The following TF variants were observed in gnomAD, a reference collection of about 807,000 sequenced individuals.
TF encodes the protein transferrin, also known as serotransferrin.
Under a neutral mutation model 82.4 loss-of-function variants are expected in TF, and 55 were observed. That is an observed-to-expected ratio of 0.67 (90% confidence interval 0.54 to 0.84). The LOEUF (loss-of-function observed/expected upper bound fraction) is 0.84. Ranked by LOEUF, TF falls within the 40% of genes least tolerant of loss-of-function variation. The probability of loss-of-function intolerance (pLI) is 0.00; values close to 1 mark genes in which losing one functional copy is unlikely to be tolerated. For missense variants in TF, 737 were observed against 868.4 expected (o/e 0.85, Z 1.90); for synonymous variants, 332 against 332.6 (o/e 1.00, Z 0.02).
At chr3:133,775,341 A>G in intron 14 of TF, 92 bp from the exon 15 acceptor site, 1 of 1,360,126 alleles carries the variant, frequency 7.4e-7, no homozygotes, top group South Asian at 1.2e-5. Context: ...GAGAAGGCCC[A>G]GGTTCTCTAC....
rs1176589624 is a variant in TF at position 133,780,081 on chromosome 3, G to A, written c.*1461G>A. The A allele has an allele frequency of 6.6e-6, 1 of 152,136 alleles. No individual in the cohort carries two copies. Among genetic ancestry groups the A allele is most frequent in the Admixed American group, 6.5e-5 (1 of 15,272 alleles). 9.4% of individuals were successfully genotyped at this position (152,136 alleles called of 1,614,324 possible). Reference sequence around the variant, plus strand: ...TACTCAAATACAGAAGTGCAGATAAGGGGTATCTGGACACAACATTCCACA... The same window carrying A: ...TACTCAAATACAGAAGTGCAGATAAAGGGTATCTGGACACAACATTCCACA... On this transcript the variant is annotated 3_prime_UTR_variant, in exon 17 of 17. Coordinates refer to ENST00000402696, the MANE Select transcript of TF (RefSeq NM_001063.4).
At chr3:133,709,634 C>G in the TF span, 1 of 167,000 alleles carries the variant, frequency 6.0e-6, no homozygotes, top group Non-Finnish European at 1.3e-5. Flanking sequence ...TCCCCATGGG[C>G]TTAATATACA....
intron 5 of TF, 97 bp from the exon 6 acceptor site, chr3:133,756,185 A>G (rs958916987): frequency 1.6e-6 from 2 of 1,227,686 alleles, no homozygotes; most frequent in Non-Finnish European, 2.4e-6. Flanking sequence ...ACCAGGCTCT[A>G]TCCTAGTGTG....
intron 7 of TF, 54 bp from the exon 8 acceptor site, chr3:133,757,715 C>A: frequency 6.5e-7 from 1 of 1,533,964 alleles, no homozygotes; most frequent in Non-Finnish European, 9.0e-7. Flanking sequence ...AGTCCCATTT[C>A]TCAGCCTCCT....
chr3:133,778,686 G>A lies in TF; in HGVS notation c.*66G>A, dbSNP rs1576369902. Reference sequence around the variant, plus strand: ...CGCAGATGATCCATGAGTTTGCCCTGGTTTCACTGGCCCAAGTGGTTTGTG... The same window carrying A: ...CGCAGATGATCCATGAGTTTGCCCTAGTTTCACTGGCCCAAGTGGTTTGTG... On this transcript the variant is annotated 3_prime_UTR_variant, in exon 17 of 17. Transcript: ENST00000402696. The A allele has an allele frequency of 3.2e-6, 5 of 1,575,152 alleles. No homozygotes were observed. The highest frequency in any genetic ancestry group is 3.5e-6 in the Non-Finnish European group (4 of 1,148,744).
the TF span, chr3:133,688,287 A>G: frequency 6.5e-6 from 1 of 152,886 alleles, no homozygotes; most frequent in Non-Finnish European, 1.5e-5. Context: ...CAATATGAAA[A>G]AAGTGTTTCC....
chr3:133,663,445 A>G, the TF span, among the ~76,000 whole-genome samples: 1 of 151,364 alleles, frequency 6.6e-6, no homozygotes, highest in Non-Finnish European at 1.5e-5. Context: ...AAGGGTGAAG[A>G]AAGCCTTAAA....
chr3:133,741,661 C>T (rs1485149398), upstream of TF, among the ~76,000 whole-genome samples: 1 of 152,112 alleles, frequency 6.6e-6, no homozygotes, highest in Non-Finnish European at 1.5e-5. Flanking sequence ...ATGATGTTCC[C>T]ATACTGAGTG....
chr3:133,733,346 G>A, the TF span, among the ~76,000 whole-genome samples: 6 of 152,186 alleles, frequency 3.9e-5, no homozygotes, highest in Non-Finnish European at 8.8e-5. Context: ...AAACTCGTGT[G>A]TCCCCATCCC....
chr3:133,740,556 C>A, the TF span, among the ~76,000 whole-genome samples: 1 of 152,134 alleles, frequency 6.6e-6, no homozygotes, highest in Admixed American at 6.6e-5. Context: ...GTCTCGAACT[C>A]CTGACCTTAA....
At chr3:133,747,576 CAT>C (rs1457822030) in intron 1 of TF, among the ~76,000 whole-genome samples, 1 of 152,166 alleles carries the variant, frequency 6.6e-6, no homozygotes, top group Non-Finnish European at 1.5e-5. Flanking sequence ...GGCAAAAGCT[CAT>C]GTGATAGGGA....
At chr3:133,715,039 A>G in the TF span, among the ~76,000 whole-genome samples, 10 of 152,160 alleles carry the variant, frequency 6.6e-5, no homozygotes, top group African/African-American at 1.9e-4. Flanking sequence ...TGATCTATCA[A>G]TCCCGCACCT....
chr3:133,748,724 A>G, intron 2 of TF, 140 bp downstream of exon 2: 3 of 1,136,528 alleles, frequency 2.6e-6, no homozygotes, highest in Non-Finnish European at 3.9e-6. Context: ...TCACTTCAAA[A>G]GTGGAAATGG....
chr3:133,728,433 C>G, the TF span, among the ~76,000 whole-genome samples: 1 of 151,898 alleles, frequency 6.6e-6, no homozygotes, highest in Admixed American at 6.6e-5. Context: ...CCCTTTCTTC[C>G]AGTTCATTGC....
chr3:133,712,026 G>A, the TF span, among the ~76,000 whole-genome samples: 1 of 152,042 alleles, frequency 6.6e-6, no homozygotes, highest in Non-Finnish European at 1.5e-5. Context: ...TCATGTCTCG[G>A]CTTAAACCTT....
chr3:133,716,657 CA>C, the TF span, among the ~76,000 whole-genome samples: 1 of 152,194 alleles, frequency 6.6e-6, no homozygotes, highest in African/African-American at 2.4e-5. Flanking sequence ...CTCTCCTCCA[CA>C]ACACATGAGC....
Position 133,759,159 on chromosome 3 carries a change from T to C in TF, c.1049-16T>C, listed in dbSNP as rs1933915970. On this transcript the variant is annotated splice_polypyrimidine_tract_variant and intron_variant, in intron 8 of 16. Transcript: ENST00000402696. ...CTAGGGCCGCTTCTGATCTTTGTTC[T>C]TTTTTTATGCCATAGGCCCAGAAGC... is the stretch of plus-strand genomic sequence containing the variant. The C allele has an allele frequency of 1.2e-6, 2 of 1,613,316 alleles. No homozygotes were observed. The highest frequency in any genetic ancestry group is 1.1e-5 in the South Asian group (1 of 91,034).
At position 133,757,850 on chromosome 3, in the gene TF, G is replaced by A. The variant is rs144143295; in HGVS notation, c.952G>A (p.Ala318Thr). The change falls in exon 8 of 17, where the codon GCC becomes ACC. Residue 318 changes from alanine to threonine, a missense_variant. Ala to Thr is a moderately conservative substitution (Grantham distance 58). Coordinates refer to ENST00000402696, the MANE Select transcript of TF (RefSeq NM_001063.4). ...GAAGGACCTGCTGTTTAAGGACTCT[G>A]CCCACGGGTTTTTAAAAGTCCCCCC... is the stretch of plus-strand genomic sequence containing the variant. ...HGKDLLFKDS[A>T]HGFLKVPPRM... 1.2e-6 allele frequency: 2 copies of A among 1,614,180 alleles called. No individual in the cohort carries two copies. Among genetic ancestry groups the A allele is most frequent in the South Asian group, 2.2e-5 (2 of 91,078 alleles).
At position 133,788,301 on chromosome 3, in the gene TF, A is replaced by ACTTT. The variant is rs1559884377; in HGVS notation, c.*9682_*9685dup. ...TGTATACTAAGTAAATGACTTTGTAACTTTATTTCATCCTCTTCATTTACA... is the reference window on the plus strand; with the variant it reads ...TGTATACTAAGTAAATGACTTTGTAACTTTCTTTATTTCATCCTCTTCATTTACA... On this transcript the variant is annotated 3_prime_UTR_variant, in exon 17 of 17. Transcript: ENST00000402696. 1 of 152,214 alleles carries ACTTT rather than the reference A, an allele frequency of 6.6e-6. No homozygotes were observed. Among genetic ancestry groups the ACTTT allele is most frequent in the East Asian group, 1.9e-4 (1 of 5,202 alleles). 9.4% of individuals were successfully genotyped at this position (152,214 alleles called of 1,614,324 possible).
Sources: allele counts gnomAD v4.1 joint callset (sites outside exome capture counted in the v4.1 genomes callset), GRCh38; gene constraint gnomAD v4.1.1; transcripts MANE v1.5; gene names NCBI Gene and HGNC (gene_info 2026-07-23, HGNC 2026-07-21).